Variants in ETV1 observed in about 807,000 individuals in gnomAD.
The protein encoded by ETV1 is ETS variant transcription factor 1.
ETV1 carries 27 observed loss-of-function variants against 62.3 expected under a neutral mutation model. The observed-to-expected ratio is 0.43, with a 90% CI of 0.32 to 0.60. ETV1 has a LOEUF of 0.60. Ranked by LOEUF, ETV1 falls within the 20% of genes least tolerant of loss-of-function variation. The probability of loss-of-function intolerance (pLI) is 0.06; values close to 1 mark genes in which losing one functional copy is unlikely to be tolerated. For synonymous variants in ETV1, 222 were observed against 199.6 expected (o/e 1.11, Z -0.94); for missense variants, 605 against 605.8 (o/e 1.00, Z 0.01).
At chr7:13,952,468 C>T (rs984521842) in intron 6 of ETV1, among the ~76,000 whole-genome samples, 5 of 152,146 alleles carry the variant, frequency 3.3e-5, no homozygotes, top group African/African-American at 1.2e-4. Context: ...TGCATTTTAG[C>T]AAAGGGTGGC....
chr7:13,917,914 A>G (rs1259036451), intron 9 of ETV1, among the ~76,000 whole-genome samples: 3 of 152,106 alleles, frequency 2.0e-5, no homozygotes, highest in Non-Finnish European at 4.4e-5. Context: ...CAGTGAGCCG[A>G]GATCATGCCA....
At chr7:13,977,382 C>G (rs2066977) in intron 6 of ETV1, 45 bp downstream of exon 6, 5 of 1,299,264 alleles carry the variant, frequency 3.8e-6, no homozygotes, top group Non-Finnish European at 5.4e-6. Flanking sequence ...AAGAAGGAAA[C>G]CAGAAAGACA....
chr7:13,972,216 G>A (rs925527684), intron 6 of ETV1, among the ~76,000 whole-genome samples: 1 of 152,152 alleles, frequency 6.6e-6, no homozygotes, highest in Admixed American at 6.5e-5. Context: ...GACTTGAGCA[G>A]ATCACTTAAG....
chr7:13,896,702 A>AAGAAAGAAAGGAGAGAG (rs1554288385), intron 13 of ETV1, among the ~76,000 whole-genome samples: 3 of 150,190 alleles, frequency 2.0e-5, no homozygotes, highest in Non-Finnish European at 4.4e-5. Flanking sequence ...GAGAGAGAGA[A>AAGAAAGAAAGGAGAGAG]AGAAAGAAAG....
At chr7:13,905,783 C>A (rs752455549) in intron 12 of ETV1, among the ~76,000 whole-genome samples, 27 of 152,046 alleles carry the variant, frequency 1.8e-4, no homozygotes, top group Non-Finnish European at 2.9e-4. Flanking sequence ...TTCATCCCAA[C>A]CTTCCAATGG....
intron 6 of ETV1, among the ~76,000 whole-genome samples, chr7:13,942,545 C>T (rs1013763927): frequency 6.6e-6 from 1 of 152,058 alleles, no homozygotes; most frequent in Non-Finnish European, 1.5e-5. Flanking sequence ...TTTTTTCTGA[C>T]CCTCTTCGCT....
rs914323442 is a variant in ETV1 at position 13,893,726 on chromosome 7, C to A, written c.*2140G>T. 4.3e-6 allele frequency: 1 copy of A among 232,722 alleles called. No homozygotes were observed. The highest frequency in any genetic ancestry group is 2.2e-5 in the African/African-American group (1 of 45,290). 14.4% of individuals were successfully genotyped at this position (232,722 alleles called of 1,614,324 possible). A position where few individuals can be genotyped will look rare whatever the true frequency, so the allele number is the denominator to read the frequency against. On this transcript the variant is annotated 3_prime_UTR_variant, in exon 14 of 14. Transcript: ENST00000430479. ...ATTTTCTCCTTCAATTTCACCAAATCTCAATTATATATCTCAATTCCTTTT... is the reference window on the plus strand; with the variant it reads ...ATTTTCTCCTTCAATTTCACCAAATATCAATTATATATCTCAATTCCTTTT...
At chr7:13,987,313 A>AGG (rs1782636435) in intron 4 of ETV1, among the ~76,000 whole-genome samples, 1 of 147,168 alleles carries the variant, frequency 6.8e-6, no homozygotes, top group East Asian at 2.2e-4. Flanking sequence ...TTAGGGAGGG[A>AGG]GAGAGGGAGG....
chr7:13,897,105 C>T (rs1253234622), intron 13 of ETV1, among the ~76,000 whole-genome samples: 2 of 151,212 alleles, frequency 1.3e-5, no homozygotes, highest in African/African-American at 2.4e-5. Context: ...GAGATGAATA[C>T]GCCTCTTGTT....
In ETV1 at chr7:13,894,832, A is replaced by G. The variant is rs1781627740; in HGVS notation, c.*1034T>C. On this transcript the variant is annotated 3_prime_UTR_variant, in exon 14 of 14. Transcript: ENST00000430479. ...GCAGTAAAAGGTTTAAATGCATATC[A>G]ATGGGTACCATGTCTAAAAATTACT... 1 of 232,670 alleles carries G rather than the reference A, an allele frequency of 4.3e-6. No homozygotes were observed. Among genetic ancestry groups the G allele is most frequent in the Admixed American group, 5.6e-5 (1 of 17,754 alleles). 14.4% of individuals were successfully genotyped at this position (232,670 alleles called of 1,614,324 possible). A position where few individuals can be genotyped will look rare whatever the true frequency, so the allele number is the denominator to read the frequency against.
At chr7:13,984,394 C>T (rs1782330573) in intron 5 of ETV1, among the ~76,000 whole-genome samples, 1 of 151,886 alleles carries the variant, frequency 6.6e-6, no homozygotes, top group Admixed American at 6.6e-5. Flanking sequence ...TTGGGGATCT[C>T]TTCTTAGCTA....
At chr7:13,988,428 T>C in intron 3 of ETV1, 1 of 581,922 alleles carries the variant, frequency 1.7e-6, no homozygotes, top group Non-Finnish European at 3.0e-6. Context: ...TTATCAATCA[T>C]ATATTCATGG....
At chr7:13,910,466 G>C (rs1314326339) in intron 10 of ETV1, 2 of 428,774 alleles carry the variant, frequency 4.7e-6, no homozygotes, top group Admixed American at 6.4e-5. Flanking sequence ...CATTGCATTT[G>C]TGCAAAACTT....
intron 6 of ETV1, among the ~76,000 whole-genome samples, chr7:13,971,428 T>C (rs1022393179): frequency 1.3e-5 from 2 of 152,234 alleles, no homozygotes; most frequent in African/African-American, 4.8e-5. Context: ...GGTCCTCTAG[T>C]ATTGTATTAC....
chr7:13,962,294 A>G (rs1284934299), intron 6 of ETV1, among the ~76,000 whole-genome samples: 3 of 151,762 alleles, frequency 2.0e-5, no homozygotes. Context: ...CTGAGGCACA[A>G]TGATCTTAAA....
intron 6 of ETV1, among the ~76,000 whole-genome samples, chr7:13,964,963 T>C (rs1790611578): frequency 6.6e-6 from 1 of 152,098 alleles, no homozygotes; most frequent in Non-Finnish European, 1.5e-5. Flanking sequence ...AGCTGCAGCT[T>C]TGAAATTTCT....
intron 7 of ETV1, among the ~76,000 whole-genome samples, chr7:13,938,134 G>A (rs904276875): frequency 6.6e-6 from 1 of 152,066 alleles, no homozygotes; most frequent in African/African-American, 2.4e-5. Flanking sequence ...CAGTAGAGAC[G>A]AGGTTTCTCC....
At position 13,931,863 on chromosome 7, in the gene ETV1, C is replaced by G. The variant is rs909349035; in HGVS notation, c.555-114G>C. On this transcript the variant is annotated intron_variant, in intron 8 of 13. Coordinates refer to ENST00000430479, the MANE Select transcript of ETV1 (RefSeq NM_004956.5). ...GAACATGATACCAGCTGACCTGAAGCGTAAATCTTTAACAAGCATTACGTT... is the reference window on the plus strand; with the variant it reads ...GAACATGATACCAGCTGACCTGAAGGGTAAATCTTTAACAAGCATTACGTT... The G allele has an allele frequency of 1.2e-5, 15 of 1,267,282 alleles. No homozygotes were observed. In the South Asian group the frequency reaches 1.7e-4, roughly 14 times the overall value. 78.5% of individuals were successfully genotyped at this position (1,267,282 alleles called of 1,614,324 possible).
chr7:13,935,092 C>T lies in ETV1; in HGVS notation c.554+616G>A, dbSNP rs181714019. 1.2e-3 allele frequency among the ~76,000 whole-genome samples: 176 copies of T among 152,270 alleles called. 1 individual carries two copies. The highest frequency in any genetic ancestry group is 3.4e-3 in the Middle Eastern group (1 of 294). The stretch of plus-strand genomic sequence containing the variant: ...TCTCAAGGAGTCATGAATTACCTAA[C>T]GCAGTATTCTCCTTAGATCTATGCT... On this transcript the variant is annotated intron_variant, in intron 8 of 13. Transcript: ENST00000430479.
Sources: allele counts gnomAD v4.1 joint callset (sites outside exome capture counted in the v4.1 genomes callset), GRCh38; gene constraint gnomAD v4.1.1; transcripts MANE v1.5; gene names NCBI Gene and HGNC (gene_info 2026-07-23, HGNC 2026-07-21).